The following SLC30A8 variants were observed in gnomAD, a reference collection of about 807,000 sequenced individuals.
The protein encoded by SLC30A8 is solute carrier family 30 member 8.
Under a neutral mutation model 36.9 loss-of-function variants are expected in SLC30A8, and 27 were observed. The observed-to-expected ratio is 0.73, with a 90% CI of 0.54 to 1.01. The LOEUF (loss-of-function observed/expected upper bound fraction) is 1.01, where lower values mean the gene tolerates loss of function less well. Ranked by LOEUF, SLC30A8 falls within the 50% of genes least tolerant of loss-of-function variation. SLC30A8 has a pLI of 0.00. For synonymous variants in SLC30A8, 164 were observed against 172.4 expected (o/e 0.95, Z 0.38); for missense variants, 439 against 452.0 (o/e 0.97, Z 0.26).
chr8:117,135,623 C>G (rs1025001303), intron 1 of SLC30A8, among the ~76,000 whole-genome samples: 1 of 152,014 alleles, frequency 6.6e-6, no homozygotes, highest in African/African-American at 2.4e-5. Context: ...ACACATTTTA[C>G]TGATGTGTTT....
intron 2 of SLC30A8, among the ~76,000 whole-genome samples, chr8:117,051,737 C>CG (rs1390141148): frequency 4.0e-5 from 6 of 151,636 alleles, no homozygotes; most frequent in Non-Finnish European, 7.4e-5. Flanking sequence ...GGTGTGAACC[C>CG]GGGGGGCGGA....
At chr8:117,064,752 G>T (rs1818118162) in intron 2 of SLC30A8, among the ~76,000 whole-genome samples, 1 of 152,242 alleles carries the variant, frequency 6.6e-6, no homozygotes, top group Non-Finnish European at 1.5e-5. Context: ...GCGCCAGGAG[G>T]CTATGTAAGC....
Position 116,979,975 on chromosome 8 carries a change from A to G in SLC30A8, c.-266+28856A>G, listed in dbSNP as rs561536685. 8.9e-4 allele frequency among the ~76,000 whole-genome samples: 136 copies of G among 152,356 alleles called. No individual in the cohort carries two copies. In the Middle Eastern group the frequency reaches 0.01, roughly 11 times the overall value. ...AGGAAGAAAAGAAAGTGAAGACAGC[A>G]TAACATCAGGTTTGACTTTTCTGAA... On this transcript the variant is annotated intron_variant, in intron 1 of 10. Transcript: ENST00000427715.
At chr8:117,143,117 C>T (rs1390501326) in intron 1 of SLC30A8, among the ~76,000 whole-genome samples, 1 of 151,548 alleles carries the variant, frequency 6.6e-6, no homozygotes, top group Admixed American at 6.6e-5. Flanking sequence ...CAAATTTTAC[C>T]AACATTATTT....
chr8:116,959,061 G>A (rs1007238304), intron 1 of SLC30A8, among the ~76,000 whole-genome samples: 8 of 151,634 alleles, frequency 5.3e-5, no homozygotes, highest in Non-Finnish European at 8.8e-5. Context: ...GTGTTAGCCG[G>A]GATGGTCTCG....
chr8:117,046,203 G>C (rs1285348956), intron 2 of SLC30A8, among the ~76,000 whole-genome samples: 1 of 152,218 alleles, frequency 6.6e-6, no homozygotes, highest in East Asian at 1.9e-4. Flanking sequence ...AAGCCTGGCA[G>C]TTTACTGTTG....
At chr8:116,958,364 T>C (rs1294027689) in intron 1 of SLC30A8, among the ~76,000 whole-genome samples, 1 of 151,868 alleles carries the variant, frequency 6.6e-6, no homozygotes, top group African/African-American at 2.4e-5. Flanking sequence ...GTAGTGCAGG[T>C]AAGCTGATAA....
chr8:117,090,991 A>G (rs1449790116), intron 2 of SLC30A8, among the ~76,000 whole-genome samples: 3 of 152,232 alleles, frequency 2.0e-5, no homozygotes, highest in Admixed American at 2.0e-4. Context: ...AAATGGATGA[A>G]TAAACCACTT....
chr8:117,153,839 A>G (rs1822328995), intron 3 of SLC30A8, among the ~76,000 whole-genome samples: 1 of 152,052 alleles, frequency 6.6e-6, no homozygotes, highest in Non-Finnish European at 1.5e-5. Flanking sequence ...CTTGCCTGCC[A>G]TTTATTAAAT....
intron 1 of SLC30A8, among the ~76,000 whole-genome samples, chr8:117,004,422 AG>A (rs1428462108): frequency 6.6e-6 from 1 of 152,216 alleles, no homozygotes; most frequent in Non-Finnish European, 1.5e-5. Flanking sequence ...CTGAGCATAT[AG>A]ATGCTTGTTA....
chr8:116,996,228 G>A (rs1203604472), intron 1 of SLC30A8, among the ~76,000 whole-genome samples: 2 of 152,120 alleles, frequency 1.3e-5, no homozygotes, highest in African/African-American at 4.8e-5. Context: ...CTTAGACATT[G>A]TCTTGTCCAA....
chr8:117,132,423 G>A (rs547877396), upstream of SLC30A8, among the ~76,000 whole-genome samples: 9 of 152,118 alleles, frequency 5.9e-5, 1 homozygote, highest in East Asian at 1.7e-3. Flanking sequence ...ATTTCCACAG[G>A]TAGCTGTTAT....
chr8:117,135,670 A>G (rs148931100), intron 1 of SLC30A8, among the ~76,000 whole-genome samples: 70 of 152,114 alleles, frequency 4.6e-4, no homozygotes, highest in African/African-American at 1.4e-3. Context: ...ATAGACCTAT[A>G]TAATCTGTTT....
intron 2 of SLC30A8, among the ~76,000 whole-genome samples, chr8:117,149,614 TGGTG>T (rs770492720): frequency 2.0e-5 from 3 of 152,190 alleles, no homozygotes; most frequent in South Asian, 4.1e-4. Flanking sequence ...GTGGTCATAA[TGGTG>T]GTGGTTACAT....
chr8:117,064,016 A>T (rs1478745613), intron 2 of SLC30A8, among the ~76,000 whole-genome samples: 1 of 147,494 alleles, frequency 6.8e-6, no homozygotes, highest in Admixed American at 6.7e-5. Context: ...TTTTTTTTTT[A>T]GAGGGAATTT....
intron 2 of SLC30A8, among the ~76,000 whole-genome samples, chr8:117,050,819 T>A (rs1012758293): frequency 6.6e-6 from 1 of 152,144 alleles, no homozygotes; most frequent in African/African-American, 2.4e-5. Flanking sequence ...AAGAGGGAAG[T>A]AGAAGGAACA....
intron 1 of SLC30A8, among the ~76,000 whole-genome samples, chr8:117,016,802 A>G (rs533023347): frequency 6.6e-5 from 10 of 152,322 alleles, no homozygotes; most frequent in African/African-American, 2.4e-4. Flanking sequence ...CATGAAAAAT[A>G]GTGATTCTTT....
chr8:117,056,527 C>T (rs1304260646), intron 2 of SLC30A8, among the ~76,000 whole-genome samples: 1 of 133,302 alleles, frequency 7.5e-6, no homozygotes, highest in Non-Finnish European at 1.6e-5. Flanking sequence ...GCATGGATTT[C>T]TCTTTTTCTT....
chr8:117,161,794 C>T lies in SLC30A8; in HGVS notation c.629C>T (p.Ala210Val). The T allele has an allele frequency of 6.2e-7, 1 of 1,613,888 alleles. No homozygotes were observed. The highest frequency in any genetic ancestry group is 8.5e-7 in the Non-Finnish European group (1 of 1,179,864). Residue 210 changes from alanine to valine, a missense_variant, in exon 5 of 8, where the codon GCC (alanine) becomes GTC (valine). Coordinates refer to ENST00000456015, the MANE Select transcript of SLC30A8 (RefSeq NM_173851.3). ...GGCCACAATCACAAGGAAGTACAAG[C>T]CAATGCCAGCGTCAGAGCTGCTTTT... Reference protein sequence around the residue: ...CLGHNHKEVQANASVRAAFVH... With the variant: ...CLGHNHKEVQVNASVRAAFVH...
Sources: allele counts gnomAD v4.1 joint callset (sites outside exome capture counted in the v4.1 genomes callset), GRCh38; gene constraint gnomAD v4.1.1; transcripts MANE v1.5; gene names NCBI Gene and HGNC (gene_info 2026-07-23, HGNC 2026-07-21).